Variants in ASPH observed in about 807,000 individuals in gnomAD.
ASPH encodes aspartyl/asparaginyl beta-hydroxylase.
In ASPH, 100 loss-of-function variants were observed where a neutral mutation model predicts 118.4. The observed-to-expected ratio is 0.84, with a 90% CI of 0.72 to 1.00. ASPH has a LOEUF of 1.00. ASPH is among the 50% of genes least tolerant of loss of function. The pLI, the probability that ASPH is intolerant of heterozygous loss-of-function variation, is 0.00. For synonymous variants in ASPH, 315 were observed against 325.6 expected (o/e 0.97, Z 0.35); for missense variants, 920 against 919.5 (o/e 1.00, Z -0.01).
intron 21 of ASPH, among the ~76,000 whole-genome samples, chr8:61,528,537 A>C (rs1816350266): frequency 6.6e-6 from 1 of 152,116 alleles, no homozygotes; most frequent in African/African-American, 2.4e-5. Context: ...CCCTCCTGAT[A>C]TTTTAGAAGA....
chr8:61,551,842 CT>C (rs1383423889), intron 20 of ASPH, among the ~76,000 whole-genome samples: 1 of 152,168 alleles, frequency 6.6e-6, no homozygotes, highest in Non-Finnish European at 1.5e-5. Context: ...AAAAGGACTA[CT>C]AATCAGCAAT....
At chr8:61,713,396 G>A (rs970069825) in intron 1 of ASPH, among the ~76,000 whole-genome samples, 4 of 152,142 alleles carry the variant, frequency 2.6e-5, no homozygotes. Context: ...TCATTTTCTT[G>A]GTATATTATG....
At chr8:61,714,155 G>C in intron 1 of ASPH, 114 bp downstream of exon 1, 2 of 1,269,240 alleles carry the variant, frequency 1.6e-6, no homozygotes, top group Non-Finnish European at 2.0e-6. Flanking sequence ...CGTCGCGGGG[G>C]ATGGAGGCGG....
intron 1 of ASPH, among the ~76,000 whole-genome samples, chr8:61,705,713 TA>T (rs1291627418): frequency 6.6e-6 from 1 of 152,016 alleles, no homozygotes; most frequent in African/African-American, 2.4e-5. Flanking sequence ...GAAATGGATA[TA>T]AAAACTCCTC....
At position 61,541,793 on chromosome 8, in the gene ASPH, T is replaced by C. The variant is rs141905949; in HGVS notation, c.1764+6278A>G. ...ACACTGAGATTCCATGCACTGAGAA[T>C]TCTATGATTCACACTCTGATCTTGC... On this transcript the variant is annotated intron_variant, in intron 21 of 24. Coordinates refer to ENST00000379454, the MANE Select transcript of ASPH (RefSeq NM_004318.4). Among the ~76,000 whole-genome samples the C allele has an allele frequency of 6.1e-4, 93 of 152,312 alleles. 1 individual carries two copies. In the Middle Eastern group the frequency reaches 0.027, roughly 45 times the overall value.
chr8:61,705,384 C>T (rs185065993), intron 1 of ASPH, among the ~76,000 whole-genome samples: 23 of 152,066 alleles, frequency 1.5e-4, no homozygotes, highest in Non-Finnish European at 1.3e-4. Flanking sequence ...GTATATGTAC[C>T]CCTGAACCTA....
chr8:61,610,796 C>T (rs959097083), intron 14 of ASPH, among the ~76,000 whole-genome samples: 1 of 152,148 alleles, frequency 6.6e-6, no homozygotes, highest in Non-Finnish European at 1.5e-5. Flanking sequence ...ATGAGGAATA[C>T]CTAGTGTTTC....
At chr8:61,562,718 G>A (rs1830431422) in intron 18 of ASPH, 26 bp downstream of exon 18, 3 of 1,562,198 alleles carry the variant, frequency 1.9e-6, no homozygotes, top group East Asian at 2.3e-5. Context: ...TTAATTTGAC[G>A]TAGTTAATAC....
intron 3 of ASPH, chr8:61,663,974 A>G (rs1181172006): frequency 2.3e-6 from 2 of 863,534 alleles, no homozygotes; most frequent in African/African-American, 3.7e-5. Context: ...ATCTTCATAA[A>G]AAAGTAAATA....
chr8:61,684,168 T>G lies in ASPH; in HGVS notation c.124A>C (p.Lys42Gln), dbSNP rs750156526. ...ARRETKHGGH[K>Q]NGRKGGLSGT... ...GAGAGTCCGCCTTTCCTCCCATTCT[T>G]GTGTCCTCCATGCTTTGTCTCTGTT... is the stretch of plus-strand genomic sequence containing the variant. Residue 42 changes from lysine to glutamine, a missense_variant, in exon 2 of 25, where the codon AAG becomes CAG. Coordinates refer to ENST00000379454, the MANE Select transcript of ASPH (RefSeq NM_004318.4). 6.2e-7 allele frequency: 1 copy of G among 1,613,156 alleles called. No homozygotes were observed. Among genetic ancestry groups the G allele is most frequent in the South Asian group, 1.1e-5 (1 of 90,968 alleles).
At chr8:61,668,261 C>T (rs1433891538) in intron 3 of ASPH, 5 of 1,609,314 alleles carry the variant, frequency 3.1e-6, no homozygotes, top group Non-Finnish European at 2.5e-6. Context: ...CTCTTGGCTA[C>T]CCCACTGGGT....
intron 14 of ASPH, among the ~76,000 whole-genome samples, chr8:61,618,590 C>T (rs2150490827): frequency 6.6e-6 from 1 of 152,218 alleles, no homozygotes; most frequent in Middle Eastern, 3.4e-3. Flanking sequence ...TAAGTGCTTT[C>T]TATGTTAGCT....
At chr8:61,662,669 AAAG>A in intron 3 of ASPH, 2 of 224,048 alleles carry the variant, frequency 8.9e-6, no homozygotes, top group Non-Finnish European at 1.5e-5. Context: ...TTACAAAAAG[AAAG>A]AAAAGAGAAG....
chr8:61,507,037 C>A (rs1011107225), intron 24 of ASPH, among the ~76,000 whole-genome samples: 2 of 152,120 alleles, frequency 1.3e-5, no homozygotes, highest in African/African-American at 4.8e-5. Context: ...CTAGCCCACA[C>A]AAAATGACAT....
chr8:61,664,315 A>G (rs1818388603), intron 3 of ASPH: 8 of 972,868 alleles, frequency 8.2e-6, no homozygotes, highest in Non-Finnish European at 9.8e-6. Flanking sequence ...TATGCCATTC[A>G]ACCAAAATAA....
chr8:61,594,510 A>G (rs2133139897), intron 14 of ASPH, among the ~76,000 whole-genome samples: 1 of 152,362 alleles, frequency 6.6e-6, no homozygotes, highest in Admixed American at 6.5e-5. Flanking sequence ...CATCTCAGCT[A>G]CATGTAAAGA....
intron 3 of ASPH, chr8:61,668,330 C>T: frequency 1.4e-6 from 2 of 1,423,550 alleles, no homozygotes; most frequent in Non-Finnish European, 1.9e-6. Context: ...TAAGGGAATT[C>T]AAAAATAAGT....
chr8:61,676,336 G>A, intron 3 of ASPH: 1 of 1,561,772 alleles, frequency 6.4e-7, no homozygotes, highest in Non-Finnish European at 8.6e-7. Context: ...AAGAATAAAG[G>A]AAGAGAGAGA....
chr8:61,644,675 A>G (rs760173501), intron 6 of ASPH, 43 bp from the exon 7 acceptor site: 1 of 1,495,086 alleles, frequency 6.7e-7, no homozygotes, highest in Admixed American at 1.8e-5. Context: ...GCTTTTACAA[A>G]ATGGTATGTA....
Sources: gnomAD v4.1 joint callset for allele counts (sites outside exome capture counted in the v4.1 genomes callset) on GRCh38, gnomAD v4.1.1 for gene constraint, MANE v1.5 for transcripts, NCBI Gene and HGNC (gene_info 2026-07-23, HGNC 2026-07-21) for gene names.